KIF16B: variants seen among roughly 807,000 people sequenced by gnomAD.
KIF16B encodes the protein kinesin-like protein KIF16B.
Under a neutral mutation model 156.3 loss-of-function variants are expected in KIF16B, and 98 were observed. The observed-to-expected ratio is 0.63, with a 90% confidence interval of 0.53 to 0.74. The LOEUF (loss-of-function observed/expected upper bound fraction) is 0.74, where lower values mean the gene tolerates loss of function less well. Ranked by LOEUF, KIF16B falls within the 30% of genes least tolerant of loss-of-function variation. The probability of loss-of-function intolerance (pLI) is 0.00; values close to 1 mark genes in which losing one functional copy is unlikely to be tolerated. For missense variants in KIF16B, 1,421 were observed against 1,606.5 expected (o/e 0.88, Z 1.97); for synonymous variants, 564 against 583.7 (o/e 0.97, Z 0.49).
At chr20:16,275,017 C>T (rs1417985111) in intron 25 of KIF16B, among the ~76,000 whole-genome samples, 1 of 151,728 alleles carries the variant, frequency 6.6e-6, no homozygotes, top group Non-Finnish European at 1.5e-5. Context: ...CAATGTTTTA[C>T]ACTTAATGGA....
intron 22 of KIF16B, among the ~76,000 whole-genome samples, chr20:16,361,691 G>A: frequency 6.6e-6 from 1 of 152,172 alleles, no homozygotes; most frequent in East Asian, 1.9e-4. Context: ...TATCCTGAGG[G>A]ATAAGTTACC....
chr20:16,343,344 A>G (rs182464110), intron 23 of KIF16B, among the ~76,000 whole-genome samples: 38 of 152,338 alleles, frequency 2.5e-4, no homozygotes, highest in African/African-American at 7.0e-4. Flanking sequence ...CAGTGTTAAG[A>G]TCTGTCATCA....
chr20:16,531,399 T>C (rs921769929), intron 1 of KIF16B, among the ~76,000 whole-genome samples: 1 of 152,196 alleles, frequency 6.6e-6, no homozygotes, highest in Non-Finnish European at 1.5e-5. Context: ...AATAACAAAA[T>C]ATCATTTCGT....
In KIF16B at chr20:16,280,840, A is replaced by ACGCGCGCG. The variant is rs769929218; in HGVS notation, c.3796-7430_3796-7429insCGCGCGCG. ...AATTTCAGTCAACTGCTGCGCGCGC[A>ACGCGCGCG]CGTGTGTGTGTGTGTGTGTGTGTGT... On this transcript the variant is annotated intron_variant, in intron 25 of 25. Coordinates refer to ENST00000354981, the MANE Select transcript of KIF16B (RefSeq NM_024704.5). 6.3e-4 allele frequency among the ~76,000 whole-genome samples: 83 copies of ACGCGCGCG among 131,500 alleles called. 2 individuals are homozygous for ACGCGCGCG. In the East Asian group the frequency reaches 0.011, roughly 17 times the overall value. 86.3% of individuals were successfully genotyped at this position (131,500 alleles called of 152,430 possible). A position where few individuals can be genotyped will look rare whatever the true frequency, so the allele number is the denominator to read the frequency against.
At chr20:16,456,759 T>C (rs2067223592) in intron 12 of KIF16B, among the ~76,000 whole-genome samples, 1 of 152,114 alleles carries the variant, frequency 6.6e-6, no homozygotes, top group Non-Finnish European at 1.5e-5. Flanking sequence ...ATGGATTCTG[T>C]GCCTGTGTTT....
At chr20:16,561,135 C>CA (rs923717640) in intron 1 of KIF16B, among the ~76,000 whole-genome samples, 10 of 150,938 alleles carry the variant, frequency 6.6e-5, no homozygotes, top group East Asian at 2.0e-4. Context: ...ACTAAAACTG[C>CA]AAAAAAAAAT....
chr20:16,366,833 C>T, intron 22 of KIF16B: 1 of 1,067,858 alleles, frequency 9.4e-7, no homozygotes, highest in East Asian at 7.3e-5. Flanking sequence ...TATAAATCGA[C>T]ACGAAAACAA....
chr20:16,456,645 T>A lies in KIF16B; in HGVS notation c.1303-26663A>T, dbSNP rs140617942. Among the ~76,000 whole-genome samples, 7 of 152,290 alleles carry A rather than the reference T, an allele frequency of 4.6e-5. No homozygotes were observed. The East Asian group carries it at 1.4e-3, about 29-fold the overall frequency. On this transcript the variant is annotated intron_variant, in intron 12 of 25. Coordinates refer to ENST00000354981, the MANE Select transcript of KIF16B (RefSeq NM_024704.5). ...CCCAAATTACATAAGTGGTAAATAG[T>A]GTACCCAGATTGGACCTTAAGTAGT...
chr20:16,442,247 G>A (rs1007289825), intron 12 of KIF16B, among the ~76,000 whole-genome samples: 1 of 152,044 alleles, frequency 6.6e-6, no homozygotes, highest in Admixed American at 6.6e-5. Context: ...AAAATGCTGA[G>A]AGAGTGGATG....
chr20:16,457,421 A>G (rs1322608518), intron 12 of KIF16B, among the ~76,000 whole-genome samples: 1 of 152,318 alleles, frequency 6.6e-6, no homozygotes, highest in East Asian at 1.9e-4. Flanking sequence ...TCAATGCTTG[A>G]CTTTGCTCAA....
chr20:16,496,166 C>T (rs1395201696), intron 11 of KIF16B, among the ~76,000 whole-genome samples: 2 of 152,202 alleles, frequency 1.3e-5, no homozygotes, highest in Non-Finnish European at 2.9e-5. Context: ...AAGGAATATT[C>T]TTATGCCTTC....
At chr20:16,490,164 T>A (rs75506973) in intron 12 of KIF16B, among the ~76,000 whole-genome samples, 1 of 152,284 alleles carries the variant, frequency 6.6e-6, no homozygotes, top group Non-Finnish European at 1.5e-5. Context: ...TGACCGTATT[T>A]GGAGACAGAG....
chr20:16,466,153 G>A (rs2067484215), intron 12 of KIF16B, among the ~76,000 whole-genome samples: 2 of 152,222 alleles, frequency 1.3e-5, no homozygotes, highest in South Asian at 4.1e-4. Flanking sequence ...ACTTGAATGA[G>A]AACCCATGGC....
At chr20:16,437,986 T>TAAA (rs774876495) in intron 12 of KIF16B, among the ~76,000 whole-genome samples, 2 of 99,484 alleles carry the variant, frequency 2.0e-5, no homozygotes, top group African/African-American at 6.5e-5. Flanking sequence ...TAAAAAAAAA[T>TAAA]AATAAAAAAA....
chr20:16,350,287 C>T (rs555522741), intron 23 of KIF16B, among the ~76,000 whole-genome samples: 1 of 152,286 alleles, frequency 6.6e-6, no homozygotes, highest in African/African-American at 2.4e-5. Context: ...AGGCGGGCAC[C>T]TCGGAGCGTA....
At chr20:16,300,824 C>T (rs78684391) in intron 25 of KIF16B, among the ~76,000 whole-genome samples, 3,187 of 152,224 alleles carry the variant, frequency 0.021, 115 homozygotes, top group African/African-American at 0.072. Flanking sequence ...ACTGATGAAT[C>T]TACATTGGGG....
In KIF16B at chr20:16,515,427, T is replaced by C. The variant is rs150924280; in HGVS notation, c.348+121A>G. On this transcript the variant is annotated intron_variant, in intron 4 of 25. Coordinates refer to ENST00000354981, the MANE Select transcript of KIF16B (RefSeq NM_024704.5). ...CAACTTATTACTGAGTTTTATCTTA[T>C]TACTAAAGAATAATCAGAACATGAA... 1,142 of 601,554 alleles carry C rather than the reference T, an allele frequency of 1.9e-3. 2 individuals carry two copies. Among genetic ancestry groups the C allele is most frequent in the Non-Finnish European group, 2.2e-3 (739 of 338,916 alleles). The allele number at this position is 601,554 out of a possible 1,614,324, so 37.3% of individuals were successfully genotyped here.
chr20:16,346,117 C>G (rs564872788), intron 23 of KIF16B, among the ~76,000 whole-genome samples: 4 of 152,348 alleles, frequency 2.6e-5, no homozygotes, highest in Admixed American at 6.5e-5. Context: ...AGGCTTCCCC[C>G]TCCAGTGCAG....
chr20:16,450,681 T>A (rs2067056359), intron 12 of KIF16B, among the ~76,000 whole-genome samples: 1 of 152,218 alleles, frequency 6.6e-6, no homozygotes, highest in Non-Finnish European at 1.5e-5. Flanking sequence ...AGCATCTCAC[T>A]GGGGTTTGGA....
Sources: allele counts gnomAD v4.1 joint callset (sites outside exome capture counted in the v4.1 genomes callset), GRCh38; gene constraint gnomAD v4.1.1; transcripts MANE v1.5; gene names NCBI Gene and HGNC (gene_info 2026-07-23, HGNC 2026-07-21).